KCNK10: variants seen among roughly 807,000 people sequenced by gnomAD.
KCNK10 encodes the protein potassium two pore domain channel subfamily K member 10.
KCNK10 carries 25 observed loss-of-function variants against 47.7 expected under a neutral mutation model. The observed-to-expected ratio is 0.52, with a 90% CI of 0.38 to 0.73. KCNK10 has a LOEUF of 0.73. KCNK10 is among the 30% of genes least tolerant of loss of function. KCNK10 has a pLI of 0.00. For synonymous variants in KCNK10, 303 were observed against 285.6 expected, an observed-to-expected ratio of 1.06 and a Z score of -0.61; for missense variants, 563 against 714.5, an observed-to-expected ratio of 0.79 and a Z score of 2.42.
intron 4 of KCNK10, among the ~76,000 whole-genome samples, chr14:88,212,762 T>C (rs1396942291): frequency 6.6e-6 from 1 of 152,192 alleles, no homozygotes; most frequent in Non-Finnish European, 1.5e-5. Context: ...TCAAAACTTA[T>C]GATGCACAAA....
rs1188152438 is a variant in KCNK10 at position 88,322,293 on chromosome 14, C to G, written c.52+454G>C. ...GACGGCTGCTGCAACTCGAGCCCCACTTGCTGCCAGGAAACCTTTCCCACT... is the reference window on the plus strand; with the variant it reads ...GACGGCTGCTGCAACTCGAGCCCCAGTTGCTGCCAGGAAACCTTTCCCACT... On this transcript the variant is annotated intron_variant, in intron 1 of 6. Transcript: ENST00000319231. This position sits in a 1 kb window ranked among gnomAD's most constrained non-coding sequence, Gnocchi z 4.8. 1.3e-5 allele frequency among the ~76,000 whole-genome samples: 2 copies of G among 152,196 alleles called. No homozygotes were observed. Among genetic ancestry groups the G allele is most frequent in the African/African-American group, 4.8e-5 (2 of 41,448 alleles).
intron 1 of KCNK10, among the ~76,000 whole-genome samples, chr14:88,318,116 C>T (rs772072818): frequency 3.3e-5 from 5 of 152,230 alleles, no homozygotes; most frequent in Non-Finnish European, 5.9e-5. Flanking sequence ...CTGGAGCTTG[C>T]AAGGAAGTGG....
intron 4 of KCNK10, among the ~76,000 whole-genome samples, chr14:88,198,921 T>TTTTATTTTATTTTATTTTATTTTATTTTA (rs1398542734): frequency 6.7e-6 from 1 of 150,356 alleles, no homozygotes; most frequent in East Asian, 1.9e-4. Context: ...TTTTATTTTA[T>TTTTATTTTATTTTATTTTATTTTATTTTA]TTTATTTTAT....
intron 4 of KCNK10, among the ~76,000 whole-genome samples, chr14:88,213,921 T>TTTA (rs35954048): frequency 0.15 from 18,696 of 126,296 alleles, 1,523 homozygotes; most frequent in East Asian, 0.38. Flanking sequence ...TTTATTTTAC[T>TTTA]TTATTATTAT....
chr14:88,200,088 T>C (rs544374285), intron 4 of KCNK10, among the ~76,000 whole-genome samples: 3 of 149,722 alleles, frequency 2.0e-5, no homozygotes, highest in Non-Finnish European at 4.4e-5. Context: ...TCTTTCTTCC[T>C]TTCTTCCTTT....
At chr14:88,278,279 G>A (rs933664114) in intron 1 of KCNK10, among the ~76,000 whole-genome samples, 2 of 152,174 alleles carry the variant, frequency 1.3e-5, no homozygotes, top group African/African-American at 4.8e-5. Flanking sequence ...CATTTTCAAG[G>A]ATTAATCCCG....
intron 1 of KCNK10, among the ~76,000 whole-genome samples, chr14:88,307,499 T>C (rs996573774): frequency 4.6e-5 from 7 of 152,168 alleles, no homozygotes; most frequent in Non-Finnish European, 1.0e-4. Context: ...GAGTTTCTTT[T>C]TGGAGTCATG....
At chr14:88,252,429 G>A (rs1413223868) in intron 2 of KCNK10, among the ~76,000 whole-genome samples, 2 of 152,206 alleles carry the variant, frequency 1.3e-5, no homozygotes, top group Admixed American at 6.5e-5. Flanking sequence ...GAGTAAGTGA[G>A]TGAGCAAGTG....
rs1445844224 is a variant in KCNK10, at chr14:88,260,676, G to A, written c.402+2526C>T. On this transcript the variant is annotated intron_variant, in intron 2 of 6. Coordinates refer to ENST00000319231, the MANE Select transcript of KCNK10 (RefSeq NM_138317.3). This position sits in a 1 kb window ranked among gnomAD's most constrained non-coding sequence, Gnocchi z 4.5. ...ACTGATGTTTCCTCCCCTGTAAAAT[G>A]GGAATCGTGATATGAACTTAGAGTG... is the stretch of plus-strand genomic sequence containing the variant. Among the ~76,000 whole-genome samples the A allele has an allele frequency of 1.3e-5, 2 of 152,176 alleles. No homozygotes were observed. Among genetic ancestry groups the A allele is most frequent in the Admixed American group, 1.3e-4 (2 of 15,282 alleles).
upstream of KCNK10, chr14:88,326,792 G>A (rs995898475): frequency 3.3e-6 from 1 of 299,372 alleles, no homozygotes; most frequent in South Asian, 4.5e-5. Context: ...GGCTGGGAAA[G>A]CCCGAAAACC....
chr14:88,203,715 C>T (rs1271760887), intron 4 of KCNK10, among the ~76,000 whole-genome samples: 1 of 152,188 alleles, frequency 6.6e-6, no homozygotes, highest in African/African-American at 2.4e-5. Flanking sequence ...GACAGTAGCA[C>T]TCCCCCTTCT....
intron 1 of KCNK10, among the ~76,000 whole-genome samples, chr14:88,266,948 T>C (rs996945339): frequency 2.6e-5 from 4 of 152,178 alleles, no homozygotes; most frequent in Non-Finnish European, 5.9e-5. Flanking sequence ...CAGGTCCTGG[T>C]GCCAGTTTGC....
intron 3 of KCNK10, among the ~76,000 whole-genome samples, chr14:88,238,108 T>C (rs1306592828): frequency 6.6e-6 from 1 of 152,234 alleles, no homozygotes; most frequent in Non-Finnish European, 1.5e-5. Flanking sequence ...CACTTTTATG[T>C]TATCAAAAGG....
chr14:88,305,915 G>T (rs956640815), intron 1 of KCNK10, among the ~76,000 whole-genome samples: 2 of 152,202 alleles, frequency 1.3e-5, no homozygotes, highest in Admixed American at 6.5e-5. Context: ...TGAGGGAATT[G>T]GGGTGTTTAC....
At chr14:88,196,931 T>C (rs377634671) in intron 4 of KCNK10, among the ~76,000 whole-genome samples, 83 of 152,352 alleles carry the variant, frequency 5.4e-4, no homozygotes, top group African/African-American at 1.9e-3. Context: ...GCACTAGCAA[T>C]TCTATAAACT....
At position 88,285,425 on chromosome 14, in the gene KCNK10, T is replaced by C. The variant is rs145332376; in HGVS notation, c.53-21874A>G. ...CTGTGCCTGGCCTGAATAAGTTTTA[T>C]TTTAACTATCATTAGAGGTTGTGAG... is the stretch of plus-strand genomic sequence containing the variant. On this transcript the variant is annotated intron_variant, in intron 1 of 6. Transcript: ENST00000319231. Among the ~76,000 whole-genome samples the C allele has an allele frequency of 4.7e-3, 717 of 152,310 alleles. 2 individuals are homozygous for C. Among genetic ancestry groups the C allele is most frequent in the South Asian group, 7.9e-3 (38 of 4,824 alleles).
At chr14:88,227,052 A>G (rs1886008826) in intron 4 of KCNK10, among the ~76,000 whole-genome samples, 1 of 152,238 alleles carries the variant, frequency 6.6e-6, no homozygotes, top group African/African-American at 2.4e-5. Flanking sequence ...ATCATTACAA[A>G]CACAATGAGG....
At chr14:88,203,474 T>C (rs1382084697) in intron 4 of KCNK10, among the ~76,000 whole-genome samples, 1 of 152,192 alleles carries the variant, frequency 6.6e-6, no homozygotes, top group Non-Finnish European at 1.5e-5. Flanking sequence ...CACAGCTCAA[T>C]TGGACACCCT....
At chr14:88,275,038 T>A (rs184383221) in intron 1 of KCNK10, among the ~76,000 whole-genome samples, 2 of 152,092 alleles carry the variant, frequency 1.3e-5, no homozygotes, top group Admixed American at 6.5e-5. Flanking sequence ...ATCTGAAGAC[T>A]CCCTCATGCC....
Sources: gnomAD v4.1 joint callset for allele counts (sites outside exome capture counted in the v4.1 genomes callset) on GRCh38, gnomAD v4.1.1 for gene constraint, Gnocchi (gnomAD v3.1) non-coding constraint, MANE v1.5 for transcripts, NCBI Gene and HGNC (gene_info 2026-07-23, HGNC 2026-07-21) for gene names.